RIN3: variants seen among roughly 807,000 people sequenced by gnomAD.
RIN3 encodes the protein RAB5 interacting protein 3.
RIN3 carries 54 observed loss-of-function variants against 76.3 expected under a neutral mutation model. That is an observed-to-expected ratio of 0.71 (90% CI 0.57 to 0.89). The LOEUF is 0.89. Among genes scored for constraint, RIN3 ranks in the 40% least tolerant of loss-of-function variants. RIN3 has a pLI of 0.00. For missense variants in RIN3, 1,256 were observed against 1,322.1 expected (o/e 0.95, Z 0.78); for synonymous variants, 576 against 564.0 (o/e 1.02, Z -0.30).
chr14:92,659,084 T>C lies in RIN3; in HGVS notation c.2027-77T>C, dbSNP rs553615961. 1.6e-3 allele frequency: 2,275 copies of C among 1,396,522 alleles called. 1 individual carries two copies. Among genetic ancestry groups the C allele is most frequent in the South Asian group, 2.0e-3 (167 of 81,576 alleles). The allele number at this position is 1,396,522 out of a possible 1,614,324, so 86.5% of individuals were successfully genotyped here. On this transcript the variant is annotated intron_variant, in intron 6 of 9. Transcript: ENST00000216487. ...AGGGGCCAGGGGATGGGGATGGCTGTGCTGTTGGGCAACAGAACCAGGTGG... is the reference window on the plus strand; with the variant it reads ...AGGGGCCAGGGGATGGGGATGGCTGCGCTGTTGGGCAACAGAACCAGGTGG...
intron 2 of RIN3, among the ~76,000 whole-genome samples, chr14:92,556,974 A>G (rs377233637): frequency 2.0e-5 from 3 of 152,068 alleles, no homozygotes; most frequent in African/African-American, 7.2e-5. Context: ...ACCTCTATCT[A>G]TCTAGTTCCA....
At position 92,651,889 on chromosome 14, in the gene RIN3, A is replaced by ACCCCCCCCCC; in HGVS notation, c.842_843insCCCCCCCCCC (p.Pro285ThrfsTer142). 2 of 955,636 alleles carry ACCCCCCCCCC rather than the reference A, an allele frequency of 2.1e-6. No individual in the cohort carries two copies. The highest frequency in any genetic ancestry group is 1.4e-6 in the Non-Finnish European group (1 of 723,450). The allele number at this position is 955,636 out of a possible 1,614,324, so 59.2% of individuals were successfully genotyped here. ...CCTCCAGGTGGGCCCCACGCCGCCC[A>ACCCCCCCCCC]CCACCCCCTCCCCCAGTGCTGCCCC... On this transcript the variant is annotated frameshift_variant, in exon 6 of 10. Transcript: ENST00000216487. LOFTEE classifies it high-confidence loss of function.
At position 92,688,130 on chromosome 14, in the gene RIN3, T is replaced by C. The variant is rs1299046069; in HGVS notation, c.2836T>C (p.Tyr946His). Residue 946 changes from tyrosine (Y) to histidine (H), a missense_variant, in exon 10 of 10, where the codon TAC (tyrosine) becomes CAC (histidine). By Grantham distance (83) the Tyr-to-His change is moderately conservative. This residue lies in a region of RIN3 where 218 missense variants were observed against 174.5 expected (regional missense o/e 1.25). Transcript: ENST00000216487. ...DDALPHCIKG[Y>H]LLRSEPKRDF... ...CGCGCTGCCGCACTGCATCAAGGGC[T>C]ACCTGCTGCGCAGCGAGCCCAAGCG... The C allele has an allele frequency of 1.9e-6, 3 of 1,609,922 alleles. No homozygotes were observed. The highest frequency in any genetic ancestry group is 1.3e-5 in the African/African-American group (1 of 74,874).
chr14:92,625,941 G>A (rs2140114684), intron 4 of RIN3, among the ~76,000 whole-genome samples: 1 of 152,162 alleles, frequency 6.6e-6, no homozygotes, highest in Non-Finnish European at 1.5e-5. Context: ...CAACTTCTTT[G>A]CTATATCTGG....
At chr14:92,658,365 G>T (rs1887750189) in intron 6 of RIN3, among the ~76,000 whole-genome samples, 1 of 152,250 alleles carries the variant, frequency 6.6e-6, no homozygotes, top group Admixed American at 6.5e-5. Flanking sequence ...AGCAGGCCTG[G>T]CAGTTGGCAG....
intron 1 of RIN3, among the ~76,000 whole-genome samples, chr14:92,533,487 T>C (rs1032220639): frequency 6.6e-6 from 1 of 152,190 alleles, no homozygotes; most frequent in African/African-American, 2.4e-5. Context: ...AATAAGTAGA[T>C]AAAGAAATTG....
At chr14:92,586,346 A>G (rs1004136220) in intron 3 of RIN3, 1 of 152,212 alleles carries the variant, frequency 6.6e-6, no homozygotes, top group Non-Finnish European at 1.5e-5. Context: ...GCTCTTGGAG[A>G]ACTCCTGTAA....
intron 7 of RIN3, among the ~76,000 whole-genome samples, chr14:92,667,325 T>A (rs1192584684): frequency 6.6e-6 from 1 of 152,164 alleles, no homozygotes; most frequent in Non-Finnish European, 1.5e-5. Flanking sequence ...AAGACCAGCC[T>A]GACCAACATG....
chr14:92,569,824 G>T (rs1331555494), intron 2 of RIN3, among the ~76,000 whole-genome samples: 1 of 152,168 alleles, frequency 6.6e-6, no homozygotes. Context: ...GTAACTATCA[G>T]TAGAGTAAAA....
intron 1 of RIN3, among the ~76,000 whole-genome samples, chr14:92,521,335 G>C (rs1387269527): frequency 6.6e-6 from 1 of 152,104 alleles, no homozygotes; most frequent in African/African-American, 2.4e-5. Context: ...TGAACACCTA[G>C]GAGTTTCCAG....
intron 7 of RIN3, 70 bp downstream of exon 7, chr14:92,659,539 C>T (rs1398903277): frequency 7.1e-7 from 1 of 1,407,470 alleles, no homozygotes. Context: ...CCACCCTGAC[C>T]AGGACTCCAG....
intron 6 of RIN3, among the ~76,000 whole-genome samples, chr14:92,657,555 C>T (rs1313595437): frequency 2.0e-5 from 3 of 152,034 alleles, no homozygotes; most frequent in East Asian, 1.9e-4. Flanking sequence ...GCCGGGAGGG[C>T]GTGGGCACAG....
At chr14:92,610,125 A>C (rs12887109) in intron 3 of RIN3, among the ~76,000 whole-genome samples, 1 of 151,964 alleles carries the variant, frequency 6.6e-6, no homozygotes, top group Non-Finnish European at 1.5e-5. Flanking sequence ...TGCAACCATC[A>C]TCACAGTCAG....
chr14:92,581,068 T>G (rs189301267), intron 3 of RIN3, among the ~76,000 whole-genome samples: 1 of 152,328 alleles, frequency 6.6e-6, no homozygotes, highest in Non-Finnish European at 1.5e-5. Flanking sequence ...GAGAGTGTTA[T>G]GGTTTTCCCA....
In RIN3 at chr14:92,652,300, G is replaced by T; in HGVS notation, c.1251G>T (p.Gly417=). Residue 417 remains glycine (G), a synonymous_variant, in exon 6 of 10, where the codon GGG becomes GGT. Coordinates refer to ENST00000216487, the MANE Select transcript of RIN3 (RefSeq NM_024832.5). The surrounding 1 kb of genome is among the most constrained non-coding windows in gnomAD (Gnocchi z 6.4). Reference sequence around the variant, plus strand: ...ACCAGCTCAGCCTGCCTCCCCAAGGGACCTCAGACGGCCCTGAGGACACGC... The same window carrying T: ...ACCAGCTCAGCCTGCCTCCCCAAGGTACCTCAGACGGCCCTGAGGACACGC... The part of the protein sequence containing the change: ...EGDQLSLPPQ[G]TSDGPEDTPR... The T allele has an allele frequency of 6.2e-7, 1 of 1,609,198 alleles. No individual in the cohort carries two copies. The highest frequency in any genetic ancestry group is 8.5e-7 in the Non-Finnish European group (1 of 1,176,796).
intron 3 of RIN3, among the ~76,000 whole-genome samples, chr14:92,592,870 C>T (rs988401361): frequency 1.3e-5 from 2 of 151,788 alleles, no homozygotes; most frequent in Non-Finnish European, 2.9e-5. Context: ...GATGGGGTTT[C>T]GCCATGTTGG....
At chr14:92,520,771 A>C (rs1896576827) in intron 1 of RIN3, among the ~76,000 whole-genome samples, 1 of 152,150 alleles carries the variant, frequency 6.6e-6, no homozygotes, top group African/African-American at 2.4e-5. Context: ...CAATCTGATG[A>C]TCTCTGGCTA....
intron 1 of RIN3, among the ~76,000 whole-genome samples, chr14:92,545,868 A>T (rs1191003503): frequency 1.3e-5 from 2 of 152,154 alleles, no homozygotes; most frequent in African/African-American, 4.8e-5. Context: ...TTCATGCAAT[A>T]AACAGAATTT....
At chr14:92,559,694 C>T (rs1485401796) in intron 2 of RIN3, among the ~76,000 whole-genome samples, 8 of 152,172 alleles carry the variant, frequency 5.3e-5, no homozygotes, top group African/African-American at 1.9e-4. Flanking sequence ...GAGGCAGACA[C>T]CAAGCTGGGC....
Sources: allele counts gnomAD v4.1 joint callset (sites outside exome capture counted in the v4.1 genomes callset), GRCh38; gene constraint gnomAD v4.1.1; regional missense constraint gnomAD v4.1.1; non-coding constraint Gnocchi (gnomAD v3.1); transcripts MANE v1.5; gene names NCBI Gene and HGNC (gene_info 2026-07-23, HGNC 2026-07-21).